DTWD2: variants seen among roughly 807,000 people sequenced by gnomAD.
DTWD2 encodes DTW motif tRNA-uridine aminocarboxypropyltransferase 2.
A neutral mutation model predicts 31.8 loss-of-function variants in DTWD2; 39 were observed. The ratio of observed to expected loss-of-function variants is 1.22; its 90% CI spans 0.95 to 1.60. DTWD2 has a LOEUF of 1.60. DTWD2 is among the 40% of genes most tolerant of loss of function. DTWD2 has a pLI of 0.00. For synonymous variants in DTWD2, 180 were observed against 142.8 expected, an observed-to-expected ratio of 1.26 and a Z score of -1.86; for missense variants, 515 against 381.5, an observed-to-expected ratio of 1.35 and a Z score of -2.92.
intron 4 of DTWD2, among the ~76,000 whole-genome samples, chr5:118,893,029 T>C (rs1753007353): frequency 1.3e-5 from 2 of 151,862 alleles, no homozygotes; most frequent in African/African-American, 4.8e-5. Context: ...TAAAAATATA[T>C]ATATATATAC....
chr5:118,868,242 C>A (rs1479736837), intron 4 of DTWD2, among the ~76,000 whole-genome samples: 3 of 151,670 alleles, frequency 2.0e-5, no homozygotes, highest in Non-Finnish European at 4.4e-5. Context: ...CCTTAGCTTA[C>A]ACCATACACA....
At position 118,925,611 on chromosome 5, in the gene DTWD2, C is replaced by T. The variant is rs572853724; in HGVS notation, c.597+2926G>A. 3.5e-3 allele frequency among the ~76,000 whole-genome samples: 533 copies of T among 152,108 alleles called. 5 individuals are homozygous for T. The highest frequency in any genetic ancestry group is 0.012 in the African/African-American group (499 of 41,512). On this transcript the variant is annotated intron_variant, in intron 4 of 5. Transcript: ENST00000510708. ...CTGTAATTCCAGCACTTTGGGAGGC[C>T]GAGGCGGGTGGATCACAAGGTCAGG... is the stretch of plus-strand genomic sequence containing the variant.
At chr5:118,889,687 C>T (rs780878581) in intron 4 of DTWD2, among the ~76,000 whole-genome samples, 2 of 151,984 alleles carry the variant, frequency 1.3e-5, no homozygotes, top group Admixed American at 6.6e-5. Context: ...CTGATTTTTC[C>T]GCCATGTAAA....
At chr5:118,978,825 G>C (rs556265591) in intron 1 of DTWD2, among the ~76,000 whole-genome samples, 1 of 152,006 alleles carries the variant, frequency 6.6e-6, no homozygotes, top group South Asian at 2.1e-4. Flanking sequence ...GGGCAATATG[G>C]TGAAACCCCA....
chr5:118,934,523 G>A (rs904994200), intron 3 of DTWD2, among the ~76,000 whole-genome samples: 2 of 151,858 alleles, frequency 1.3e-5, no homozygotes, highest in Non-Finnish European at 2.9e-5. Flanking sequence ...GGTAAACAGT[G>A]ATAAAGTAAG....
At chr5:118,962,799 T>A (rs79803023) in intron 1 of DTWD2, among the ~76,000 whole-genome samples, 1 of 152,194 alleles carries the variant, frequency 6.6e-6, no homozygotes, top group Non-Finnish European at 1.5e-5. Flanking sequence ...AACTTAAAGA[T>A]GATGAAACTA....
chr5:118,981,878 G>T (rs1160384346), intron 1 of DTWD2, among the ~76,000 whole-genome samples: 2 of 152,138 alleles, frequency 1.3e-5, no homozygotes, highest in African/African-American at 4.8e-5. Context: ...TTAGAAGAAG[G>T]CAGAGAAACA....
At chr5:118,855,611 A>G (rs2149541753) in intron 4 of DTWD2, among the ~76,000 whole-genome samples, 1 of 152,272 alleles carries the variant, frequency 6.6e-6, no homozygotes, top group East Asian at 1.9e-4. Context: ...TATTGGGCCT[A>G]GTGATTGGCA....
intron 4 of DTWD2, among the ~76,000 whole-genome samples, chr5:118,891,010 T>C (rs1475364313): frequency 6.6e-6 from 1 of 151,318 alleles, no homozygotes; most frequent in East Asian, 1.9e-4. Flanking sequence ...AAATATAAAA[T>C]TCTGTAAGGT....
intron 4 of DTWD2, among the ~76,000 whole-genome samples, chr5:118,864,020 C>G (rs886607291): frequency 6.7e-6 from 1 of 150,238 alleles, no homozygotes; most frequent in Non-Finnish European, 1.5e-5. Context: ...GGCCTCTTTT[C>G]TTGCCATTTC....
chr5:118,912,607 T>A (rs988212396), intron 4 of DTWD2, among the ~76,000 whole-genome samples: 7 of 152,234 alleles, frequency 4.6e-5, no homozygotes, highest in Non-Finnish European at 2.9e-5. Context: ...TCATGGCTAA[T>A]TCTGCCTCAT....
At chr5:118,854,079 A>G (rs1204342134) in intron 4 of DTWD2, among the ~76,000 whole-genome samples, 5 of 152,184 alleles carry the variant, frequency 3.3e-5, no homozygotes, top group African/African-American at 7.2e-5. Flanking sequence ...GAACTTTGGT[A>G]AGTTAATAAA....
intron 3 of DTWD2, among the ~76,000 whole-genome samples, chr5:118,938,669 G>C (rs1210125604): frequency 1.3e-5 from 2 of 151,888 alleles, no homozygotes; most frequent in African/African-American, 4.8e-5. Flanking sequence ...AGCCAAAATT[G>C]CACCACTGCA....
At position 118,858,260 on chromosome 5, in the gene DTWD2, G is replaced by A. The variant is rs189309158; in HGVS notation, c.598-10042C>T. Among the ~76,000 whole-genome samples, 14 of 152,260 alleles carry A rather than the reference G, an allele frequency of 9.2e-5. No homozygotes were observed. In the East Asian group the frequency reaches 2.5e-3, roughly 27 times the overall value. ...ATTTTCTGTCATTTAAAATAAGGGG[G>A]TTGATTTAGAGAAAAGGTACTCAAT... On this transcript the variant is annotated intron_variant, in intron 4 of 5. Coordinates refer to ENST00000510708, the MANE Select transcript of DTWD2 (RefSeq NM_173666.4).
intron 4 of DTWD2, among the ~76,000 whole-genome samples, chr5:118,923,506 C>A (rs1753748069): frequency 1.3e-5 from 2 of 152,144 alleles, no homozygotes; most frequent in Admixed American, 1.3e-4. Context: ...TGCATGAGCT[C>A]CAAGGGTAAG....
At chr5:118,937,176 T>G (rs1754061986) in intron 3 of DTWD2, among the ~76,000 whole-genome samples, 1 of 152,234 alleles carries the variant, frequency 6.6e-6, no homozygotes, top group East Asian at 1.9e-4. Flanking sequence ...TCAATCAATA[T>G]AATACACTAT....
chr5:118,853,994 T>A (rs1015909218), intron 4 of DTWD2, among the ~76,000 whole-genome samples: 3 of 152,320 alleles, frequency 2.0e-5, no homozygotes, highest in Middle Eastern at 3.4e-3. Flanking sequence ...ACTACTTTAA[T>A]CATGTATTAA....
intron 1 of DTWD2, among the ~76,000 whole-genome samples, chr5:118,973,190 G>A (rs1052380308): frequency 6.6e-6 from 1 of 151,504 alleles, no homozygotes; most frequent in Non-Finnish European, 1.5e-5. Context: ...CACACCAATG[G>A]GTCTTGACTC....
chr5:118,878,606 A>G (rs1287727906), intron 4 of DTWD2, among the ~76,000 whole-genome samples: 1 of 152,210 alleles, frequency 6.6e-6, no homozygotes, highest in Non-Finnish European at 1.5e-5. Flanking sequence ...ATTTCATAAC[A>G]AAAATCTTTG....
Sources: gnomAD v4.1 joint callset for allele counts (sites outside exome capture counted in the v4.1 genomes callset) on GRCh38, gnomAD v4.1.1 for gene constraint, MANE v1.5 for transcripts, NCBI Gene and HGNC (gene_info 2026-07-23, HGNC 2026-07-21) for gene names.